Variants in VSTM4 observed in about 807,000 individuals in gnomAD.
VSTM4 encodes V-set and transmembrane domain containing 4.
VSTM4 carries 20 observed loss-of-function variants against 36.4 expected under a neutral mutation model. The observed-to-expected ratio is 0.55, with a 90% CI of 0.39 to 0.80. The LOEUF (loss-of-function observed/expected upper bound fraction) is 0.80, where lower values mean the gene tolerates loss of function less well. Among genes scored for constraint, VSTM4 ranks in the 30% least tolerant of loss-of-function variants. The pLI, the probability that VSTM4 is intolerant of heterozygous loss-of-function variation, is 0.00. For missense variants in VSTM4, 392 were observed against 404.5 expected, an observed-to-expected ratio of 0.97 and a Z score of 0.26; for synonymous variants, 182 against 173.9, an observed-to-expected ratio of 1.05 and a Z score of -0.37.
intron 4 of VSTM4, among the ~76,000 whole-genome samples, chr10:49,067,021 T>G (rs992506484): frequency 1.3e-5 from 2 of 152,176 alleles, no homozygotes; most frequent in African/African-American, 4.8e-5. Context: ...AAAACTTGTT[T>G]GGGTAGGTAC....
intron 2 of VSTM4, among the ~76,000 whole-genome samples, chr10:49,091,563 C>A (rs1844475130): frequency 6.6e-6 from 1 of 152,172 alleles, no homozygotes; most frequent in African/African-American, 2.4e-5. Flanking sequence ...AAACCGAGAG[C>A]CCTAATTCCT....
chr10:49,112,076 A>G (rs1844904507), intron 1 of VSTM4, among the ~76,000 whole-genome samples: 1 of 152,198 alleles, frequency 6.6e-6, no homozygotes, highest in Non-Finnish European at 1.5e-5. Flanking sequence ...CATCCTGGTG[A>G]ACTGTACCCC....
At chr10:49,079,996 A>T (rs1844250508) in intron 3 of VSTM4, among the ~76,000 whole-genome samples, 1 of 152,178 alleles carries the variant, frequency 6.6e-6, no homozygotes, top group African/African-American at 2.4e-5. Context: ...GAAAAATATG[A>T]TAAAAGTTTA....
intron 3 of VSTM4, among the ~76,000 whole-genome samples, chr10:49,081,926 T>C (rs1422835015): frequency 1.3e-5 from 2 of 152,224 alleles, no homozygotes; most frequent in Non-Finnish European, 2.9e-5. Context: ...TATGCCTATG[T>C]TCCGAATTTT....
At chr10:49,072,853 G>T (rs1055871580) in intron 4 of VSTM4, among the ~76,000 whole-genome samples, 2 of 152,200 alleles carry the variant, frequency 1.3e-5, no homozygotes, top group Non-Finnish European at 2.9e-5. Context: ...ATGACTCCAG[G>T]TGACACTGCC....
intron 5 of VSTM4, among the ~76,000 whole-genome samples, chr10:49,062,832 A>G (rs1034298215): frequency 2.0e-5 from 3 of 152,108 alleles, no homozygotes; most frequent in African/African-American, 7.2e-5. Context: ...GATAAATTCT[A>G]TTGCTCTGTC....
intron 3 of VSTM4, among the ~76,000 whole-genome samples, chr10:49,084,147 T>C (rs918617239): frequency 2.0e-5 from 3 of 152,250 alleles, no homozygotes; most frequent in African/African-American, 7.2e-5. Context: ...ACCTTGCCCT[T>C]ACTACTGCTT....
intron 7 of VSTM4, among the ~76,000 whole-genome samples, chr10:49,025,466 G>A (rs1309538640): frequency 6.6e-6 from 1 of 152,050 alleles, no homozygotes; most frequent in Non-Finnish European, 1.5e-5. Context: ...AAGGCTCTAG[G>A]ACTTCCTCAC....
At chr10:49,090,053 A>G (rs1024350262) in intron 2 of VSTM4, among the ~76,000 whole-genome samples, 1 of 152,232 alleles carries the variant, frequency 6.6e-6, no homozygotes, top group Non-Finnish European at 1.5e-5. Flanking sequence ...GGGCTTGAAG[A>G]GGATGGAATG....
intron 7 of VSTM4, among the ~76,000 whole-genome samples, chr10:49,026,815 A>G (rs1016756709): frequency 6.6e-6 from 1 of 152,192 alleles, no homozygotes; most frequent in African/African-American, 2.4e-5. Context: ...AATGAAGGCC[A>G]CAGGTTGCAA....
At chr10:49,087,556 G>A (rs183376106) in intron 2 of VSTM4, among the ~76,000 whole-genome samples, 7 of 152,294 alleles carry the variant, frequency 4.6e-5, no homozygotes, top group African/African-American at 1.4e-4. Flanking sequence ...GAGGCTTTCA[G>A]TTTTTATAGA....
At chr10:49,033,492 G>C (rs536299981) in intron 7 of VSTM4, among the ~76,000 whole-genome samples, 156 of 152,330 alleles carry the variant, frequency 1.0e-3, no homozygotes, top group African/African-American at 3.4e-3. Flanking sequence ...AGACCACTTA[G>C]AGGAATAATT....
intron 2 of VSTM4, among the ~76,000 whole-genome samples, chr10:49,093,109 C>T (rs1047650414): frequency 5.3e-5 from 8 of 152,132 alleles, no homozygotes; most frequent in Non-Finnish European, 7.4e-5. Context: ...GGCACGAACC[C>T]GGGATACAGA....
At chr10:49,093,149 G>A (rs1844508645) in intron 2 of VSTM4, among the ~76,000 whole-genome samples, 1 of 152,142 alleles carries the variant, frequency 6.6e-6, no homozygotes. Context: ...CTAGGTGGAG[G>A]GTCTTAATTG....
intron 5 of VSTM4, among the ~76,000 whole-genome samples, chr10:49,060,577 A>T (rs1843860349): frequency 6.6e-6 from 1 of 152,242 alleles, no homozygotes; most frequent in African/African-American, 2.4e-5. Context: ...GAGTTGTGAG[A>T]GGTCTTTATA....
chr10:49,031,541 CTT>C (rs1257679163), intron 7 of VSTM4, among the ~76,000 whole-genome samples: 1 of 152,202 alleles, frequency 6.6e-6, no homozygotes, highest in Admixed American at 6.5e-5. Flanking sequence ...GAAGAAAACA[CTT>C]TGAGACGTTT....
In VSTM4 at chr10:49,023,934, C is replaced by T. The variant is rs373194882; in HGVS notation, c.838-4159G>A. On this transcript the variant is annotated intron_variant, in intron 7 of 7. Transcript: ENST00000332853. ...AAGGAAACTGCTTGAAGGAGGAGTT[C>T]CAGGCCTCAGACCCGGACCGAGTTT... Among the ~76,000 whole-genome samples the T allele has an allele frequency of 5.8e-4, 89 of 152,320 alleles. 1 individual carries two copies. In the South Asian group the frequency reaches 0.016, roughly 28 times the overall value.
chr10:49,110,348 C>T (rs1289213058), intron 1 of VSTM4, among the ~76,000 whole-genome samples: 1 of 152,186 alleles, frequency 6.6e-6, no homozygotes, highest in South Asian at 2.1e-4. Context: ...GTAACCCTTC[C>T]ACTTCTGTGG....
intron 3 of VSTM4, among the ~76,000 whole-genome samples, chr10:49,082,699 A>C (rs1201037190): frequency 6.6e-6 from 1 of 152,200 alleles, no homozygotes; most frequent in Non-Finnish European, 1.5e-5. Context: ...AGAAAAAAAA[A>C]CACATATAGC....
Sources: gnomAD v4.1 joint callset for allele counts (sites outside exome capture counted in the v4.1 genomes callset) on GRCh38, gnomAD v4.1.1 for gene constraint, MANE v1.5 for transcripts, NCBI Gene and HGNC (gene_info 2026-07-23, HGNC 2026-07-21) for gene names.